Variants in NLGN1 observed in about 807,000 individuals in gnomAD.
The protein encoded by NLGN1 is neuroligin 1, also known as neuroligin-1.
NLGN1 carries 12 observed loss-of-function variants against 65.5 expected under a neutral mutation model. The observed-to-expected ratio is 0.18, with a 90% CI of 0.12 to 0.30. The LOEUF (loss-of-function observed/expected upper bound fraction) is 0.30. NLGN1 is among the 10% of genes least tolerant of loss of function. NLGN1 has a pLI of 1.00. For synonymous variants in NLGN1, 350 were observed against 359.5 expected (o/e 0.97, Z 0.30); for missense variants, 750 against 1,007.1 (o/e 0.74, Z 3.46).
At chr3:173,611,741 C>A (rs995132197) in intron 3 of NLGN1, among the ~76,000 whole-genome samples, 1 of 152,080 alleles carries the variant, frequency 6.6e-6, no homozygotes, top group Non-Finnish European at 1.5e-5. Flanking sequence ...CAGACAGAGA[C>A]AGTCTCCTGA....
chr3:173,481,037 T>G (rs1315798048), intron 2 of NLGN1, among the ~76,000 whole-genome samples: 1 of 152,046 alleles, frequency 6.6e-6, no homozygotes, highest in Non-Finnish European at 1.5e-5. Context: ...ATAGATATAA[T>G]TGTTATTATT....
At chr3:173,750,073 G>A (rs1004457996) in intron 3 of NLGN1, among the ~76,000 whole-genome samples, 4 of 151,982 alleles carry the variant, frequency 2.6e-5, no homozygotes, top group East Asian at 1.9e-4. Flanking sequence ...AGACCTAAAC[G>A]GAGTTAATTC....
In NLGN1 at chr3:173,419,020, C is replaced by CTTTTTTTTTTTTT. The variant is rs59051811; in HGVS notation, c.-389-15968_-389-15956dup. ...TCTGTTCTTTAGCTTTCTTCTTCTT[C>CTTTTTTTTTTTTT]TTTTTTTTTTTTTTTTTTTTTTTTT... On this transcript the variant is annotated intron_variant, in intron 1 of 6. Coordinates refer to ENST00000457714, the Ensembl canonical transcript of NLGN1. Among the ~76,000 whole-genome samples the CTTTTTTTTTTTTT allele has an allele frequency of 2.1e-3, 26 of 12,258 alleles. 1 individual carries two copies. The highest frequency in any genetic ancestry group is 8.7e-3 in the Admixed American group (6 of 686). 8.0% of individuals were successfully genotyped at this position (12,258 alleles called of 152,430 possible). A position where few individuals can be genotyped will look rare whatever the true frequency, so the allele number is the denominator to read the frequency against.
At chr3:174,156,531 A>T (rs1000833704) in intron 4 of NLGN1, among the ~76,000 whole-genome samples, 2 of 151,852 alleles carry the variant, frequency 1.3e-5, no homozygotes, top group African/African-American at 4.8e-5. Flanking sequence ...GGGAAAAGTG[A>T]GATTTTTCTC....
chr3:173,911,809 G>C (rs920253393), intron 4 of NLGN1, among the ~76,000 whole-genome samples: 1 of 152,102 alleles, frequency 6.6e-6, no homozygotes, highest in African/African-American at 2.4e-5. Flanking sequence ...TTGTTTCCTC[G>C]AAGTTTATTT....
chr3:173,515,651 T>A (rs1480852706), intron 2 of NLGN1, among the ~76,000 whole-genome samples: 4 of 152,140 alleles, frequency 2.6e-5, no homozygotes, highest in African/African-American at 4.8e-5. Flanking sequence ...ATATTTTGAG[T>A]TGATTTTTGT....
intron 3 of NLGN1, among the ~76,000 whole-genome samples, chr3:173,773,693 G>A (rs1456921306): frequency 6.6e-6 from 1 of 152,096 alleles, no homozygotes; most frequent in East Asian, 1.9e-4. Context: ...AGGAACAAAA[G>A]GTCTCCCTTC....
At chr3:173,716,572 G>A (rs1450690055) in intron 3 of NLGN1, among the ~76,000 whole-genome samples, 1 of 152,082 alleles carries the variant, frequency 6.6e-6, no homozygotes, top group African/African-American at 2.4e-5. Flanking sequence ...ATCCTGAGGG[G>A]TCAGTTGATG....
At chr3:174,276,125 A>G (rs529030032) in intron 5 of NLGN1, among the ~76,000 whole-genome samples, 11 of 151,918 alleles carry the variant, frequency 7.2e-5, no homozygotes, top group South Asian at 4.1e-4. Context: ...TGTTTTTTCT[A>G]TTTTTAACTC....
rs181613307 is a variant in NLGN1, at chr3:173,831,026, A to G, written c.646+23194A>G. 5.3e-4 allele frequency among the ~76,000 whole-genome samples: 80 copies of G among 152,316 alleles called. No individual in the cohort carries two copies. The East Asian group carries it at 0.015, about 28-fold the overall frequency. On this transcript the variant is annotated intron_variant, in intron 4 of 6. Transcript: ENST00000457714. Reference sequence around the variant, plus strand: ...AGATTTCATCTAGTTATAGCTCTCAATTTGGTCAACCCAATATCCCCCTTT... The same window carrying G: ...AGATTTCATCTAGTTATAGCTCTCAGTTTGGTCAACCCAATATCCCCCTTT...
intron 1 of NLGN1, among the ~76,000 whole-genome samples, chr3:173,412,104 T>TA (rs1438750905): frequency 6.6e-6 from 1 of 152,184 alleles, no homozygotes; most frequent in Non-Finnish European, 1.5e-5. Context: ...TTTCAAAATG[T>TA]AAAATTGTGT....
At chr3:173,961,709 G>A (rs902240806) in intron 4 of NLGN1, among the ~76,000 whole-genome samples, 1 of 152,030 alleles carries the variant, frequency 6.6e-6, no homozygotes. Flanking sequence ...TGCAAATGAG[G>A]AAGGTTAGAC....
rs142296598 is a variant in NLGN1 at position 174,158,252 on chromosome 3, A to C, written c.647-117063A>C. On this transcript the variant is annotated intron_variant, in intron 4 of 6. Transcript: ENST00000457714. ...CACGTTTCTCAAATGCGAAGAAGAA[A>C]ATTTGTGTTCAAAGACTTTGTAAAG... Among the ~76,000 whole-genome samples, 73 of 151,910 alleles carry C rather than the reference A, an allele frequency of 4.8e-4. 1 individual carries two copies. Among genetic ancestry groups the C allele is most frequent in the Middle Eastern group, 3.4e-3 (1 of 294 alleles).
At chr3:173,889,306 G>GT (rs1401393472) in intron 4 of NLGN1, among the ~76,000 whole-genome samples, 1 of 152,070 alleles carries the variant, frequency 6.6e-6, no homozygotes, top group Non-Finnish European at 1.5e-5. Flanking sequence ...TGGGAGGAGG[G>GT]TATGTGAATT....
At chr3:173,539,778 A>ATG (rs1491265828) in intron 2 of NLGN1, among the ~76,000 whole-genome samples, 1 of 117,170 alleles carries the variant, frequency 8.5e-6, no homozygotes, top group East Asian at 3.9e-4. Context: ...TATATAACAC[A>ATG]TATATATGTA....
chr3:174,118,710 AC>A (rs915183157), intron 4 of NLGN1, among the ~76,000 whole-genome samples: 1 of 152,112 alleles, frequency 6.6e-6, no homozygotes, highest in African/African-American at 2.4e-5. Flanking sequence ...GCATGTGCCT[AC>A]CTTCATGATC....
chr3:173,495,138 A>G (rs957253407), intron 2 of NLGN1, among the ~76,000 whole-genome samples: 1 of 151,730 alleles, frequency 6.6e-6, no homozygotes, highest in Non-Finnish European at 1.5e-5. Flanking sequence ...CAGGAGTATA[A>G]CTATCTATAT....
intron 2 of NLGN1, among the ~76,000 whole-genome samples, chr3:173,568,198 CT>C (rs977949655): frequency 4.7e-5 from 5 of 105,298 alleles, no homozygotes; most frequent in Admixed American, 3.7e-4. Flanking sequence ...CTTTTCTTTT[CT>C]TTCCTTTCCT....
At chr3:173,910,327 C>T (rs1739333750) in intron 4 of NLGN1, among the ~76,000 whole-genome samples, 2 of 152,062 alleles carry the variant, frequency 1.3e-5, no homozygotes, top group Non-Finnish European at 2.9e-5. Flanking sequence ...TGTTGAATAG[C>T]TTGGGAAGTA....
Sources: allele counts gnomAD v4.1 joint callset (sites outside exome capture counted in the v4.1 genomes callset), GRCh38; gene constraint gnomAD v4.1.1; transcripts MANE v1.5; gene names NCBI Gene and HGNC (gene_info 2026-07-23, HGNC 2026-07-21).